Variants in ACCSL observed in about 807,000 individuals in gnomAD.
ACCSL encodes 1-aminocyclopropane-1-carboxylate synthase homolog (inactive) like.
In ACCSL, 55 loss-of-function variants were observed where a neutral mutation model predicts 61.7. The ratio of observed to expected loss-of-function variants is 0.89; its 90% confidence interval spans 0.72 to 1.12. The LOEUF (loss-of-function observed/expected upper bound fraction) is 1.12, where lower values mean the gene tolerates loss of function less well. Ranked by LOEUF, ACCSL falls within the 50% of genes most tolerant of loss-of-function variation. The probability of loss-of-function intolerance (pLI) is 0.00; values close to 1 mark genes in which losing one functional copy is unlikely to be tolerated. For missense variants in ACCSL, 632 were observed against 698.0 expected, an observed-to-expected ratio of 0.91 and a Z score of 1.07; for synonymous variants, 258 against 264.3, an observed-to-expected ratio of 0.98 and a Z score of 0.23.
chr11:44,056,162 T>C, intron 10 of ACCSL, 23 bp from the exon 11 acceptor site: 1 of 1,614,208 alleles, frequency 6.2e-7, no homozygotes, highest in Non-Finnish European at 8.5e-7. Context: ...CACTTGTTCC[T>C]GTTCCTGCTT....
At chr11:43,939,134 A>G in the ACCSL span, among the ~76,000 whole-genome samples, 18 of 152,374 alleles carry the variant, frequency 1.2e-4, no homozygotes, top group African/African-American at 4.3e-4. Context: ...CAACACATGC[A>G]AATGGCTTCA....
the ACCSL span, among the ~76,000 whole-genome samples, chr11:43,982,226 C>A: frequency 1.2e-5 from 1 of 86,320 alleles, no homozygotes; most frequent in Admixed American, 1.6e-4. Flanking sequence ...CCAAGGCCCT[C>A]TTTTTTTTTT....
chr11:43,947,606 T>A, the ACCSL span, among the ~76,000 whole-genome samples: 2,148 of 151,960 alleles, frequency 0.014, 30 homozygotes, highest in East Asian at 0.048. Context: ...ACAGGAAAAC[T>A]CAGTGACAGA....
the ACCSL span, among the ~76,000 whole-genome samples, chr11:43,966,912 G>T: frequency 1.3e-5 from 2 of 152,020 alleles, no homozygotes. Flanking sequence ...GAATTTTATT[G>T]TTTTGTTTTT....
chr11:43,965,302 A>C, the ACCSL span, among the ~76,000 whole-genome samples: 4 of 147,948 alleles, frequency 2.7e-5, no homozygotes, highest in African/African-American at 4.9e-5. Context: ...TCTATATAAT[A>C]ACAATGAACA....
At position 44,058,733 on chromosome 11, in the gene ACCSL, C is replaced by A. The variant is rs371205783; in HGVS notation, c.1624+34C>A. On this transcript the variant is annotated intron_variant, in intron 13 of 13. Coordinates refer to ENST00000378832, the MANE Select transcript of ACCSL (RefSeq NM_001031854.2). ...AGCTGACCTCCCAATCCTTTAAAGACGCCCCATCAATTTAATATGTCAATC... is the reference window on the plus strand; with the variant it reads ...AGCTGACCTCCCAATCCTTTAAAGAAGCCCCATCAATTTAATATGTCAATC... The A allele has an allele frequency of 4.4e-6, 7 of 1,582,640 alleles. No individual in the cohort carries two copies. The South Asian group carries it at 6.9e-5, about 16-fold the overall frequency.
chr11:43,986,458 C>A, the ACCSL span, among the ~76,000 whole-genome samples: 1 of 152,202 alleles, frequency 6.6e-6, no homozygotes, highest in African/African-American at 2.4e-5. Flanking sequence ...CCCTGGGTTA[C>A]CTGGCCCTGG....
chr11:43,979,992 G>C, the ACCSL span, among the ~76,000 whole-genome samples: 1 of 151,790 alleles, frequency 6.6e-6, no homozygotes, highest in African/African-American at 2.4e-5. Flanking sequence ...TTCCAGATTT[G>C]TCTATGCAAT....
At chr11:44,010,568 T>C in the ACCSL span, among the ~76,000 whole-genome samples, 4 of 152,184 alleles carry the variant, frequency 2.6e-5, no homozygotes, top group Non-Finnish European at 4.4e-5. Context: ...ATCTCCCCTC[T>C]CTCTTGAGCT....
chr11:44,032,020 C>G, the ACCSL span, among the ~76,000 whole-genome samples: 1 of 152,210 alleles, frequency 6.6e-6, no homozygotes, highest in African/African-American at 2.4e-5. Flanking sequence ...ATCATAGTAT[C>G]TGGGTCTGAG....
the ACCSL span, among the ~76,000 whole-genome samples, chr11:44,004,605 T>C: frequency 6.6e-6 from 1 of 152,196 alleles, no homozygotes; most frequent in Non-Finnish European, 1.5e-5. Flanking sequence ...AGGATGGCTA[T>C]CGGGAAAATG....
chr11:43,942,031 CGTGCGTGTGT>C, the ACCSL span, among the ~76,000 whole-genome samples: 37,741 of 114,330 alleles, frequency 0.33, 5,035 homozygotes, highest in East Asian at 0.52. Flanking sequence ...TGTTTGCATT[CGTGCGTGTGT>C]GTGTGTGTGT....
the ACCSL span, among the ~76,000 whole-genome samples, chr11:44,000,409 CCACCT>C: frequency 1.3e-5 from 2 of 150,458 alleles, no homozygotes; most frequent in African/African-American, 4.9e-5. Context: ...CAGGCATGAG[CCACCT>C]CACCTGGCCC....
At chr11:44,028,514 C>T in the ACCSL span, among the ~76,000 whole-genome samples, 124 of 152,328 alleles carry the variant, frequency 8.1e-4, no homozygotes, top group Middle Eastern at 3.4e-3. Context: ...CTAGTAGCTG[C>T]TGTGTTGGGA....
the ACCSL span, among the ~76,000 whole-genome samples, chr11:44,029,875 A>G: frequency 1.3e-5 from 2 of 151,606 alleles, no homozygotes; most frequent in African/African-American, 4.8e-5. Context: ...TGAAAGGGCA[A>G]GGGGATAACT....
chr11:43,951,653 A>T, the ACCSL span, among the ~76,000 whole-genome samples: 3 of 152,210 alleles, frequency 2.0e-5, no homozygotes, highest in Admixed American at 6.5e-5. Flanking sequence ...GATCTTTTTT[A>T]AAAAATGCGT....
chr11:44,052,739 C>T lies in ACCSL; in HGVS notation c.850C>T (p.Pro284Ser), dbSNP rs1252315081. 3 of 1,613,966 alleles carry T rather than the reference C, an allele frequency of 1.9e-6. No individual in the cohort carries two copies. Among genetic ancestry groups the T allele is most frequent in the African/African-American group, 2.7e-5 (2 of 74,882 alleles). The change falls in exon 6 of 14, where the codon CCT becomes TCT. Residue 284 changes from proline to serine, a missense_variant. Coordinates refer to ENST00000378832, the MANE Select transcript of ACCSL (RefSeq NM_001031854.2). The part of the protein sequence containing the change: ...SRLYAKVELI[P>S]VHLESEVTVT... The stretch of plus-strand genomic sequence containing the variant: ...CCTGTATGCAAAGGTTGAGTTGATT[C>T]CTGTCCACCTGGAGAGTGAGGTCTG...
the ACCSL span, among the ~76,000 whole-genome samples, chr11:43,924,055 A>G: frequency 6.6e-6 from 1 of 152,216 alleles, no homozygotes; most frequent in Admixed American, 6.5e-5. Flanking sequence ...TTAGCTCTGG[A>G]TGCAAATTCT....
chr11:44,054,750 C>T (rs1431921733), intron 8 of ACCSL, among the ~76,000 whole-genome samples: 2 of 152,084 alleles, frequency 1.3e-5, no homozygotes, highest in Admixed American at 6.6e-5. Flanking sequence ...CCACCATGCC[C>T]GGCCCGCCTT....
Sources: gnomAD v4.1 joint callset for allele counts (sites outside exome capture counted in the v4.1 genomes callset) on GRCh38, gnomAD v4.1.1 for gene constraint, MANE v1.5 for transcripts, NCBI Gene and HGNC (gene_info 2026-07-23, HGNC 2026-07-21) for gene names.